Variants in AFDN observed in about 807,000 individuals in gnomAD.
The protein encoded by AFDN is afadin.
Under a neutral mutation model 216.6 loss-of-function variants are expected in AFDN, and 68 were observed. That is an observed-to-expected ratio of 0.31 (90% CI 0.26 to 0.38). The LOEUF (loss-of-function observed/expected upper bound fraction) is 0.38. Ranked by LOEUF, AFDN falls within the 10% of genes least tolerant of loss-of-function variation. AFDN has a pLI of 1.00. For missense variants in AFDN, 2,136 were observed against 2,342.0 expected (o/e 0.91, Z 1.82); for synonymous variants, 868 against 853.7 (o/e 1.02, Z -0.29).
At chr6:167,883,115 AAG>A (rs1299146311) in intron 6 of AFDN, among the ~76,000 whole-genome samples, 1 of 152,140 alleles carries the variant, frequency 6.6e-6, no homozygotes, top group Non-Finnish European at 1.5e-5. Flanking sequence ...TAGGCCAAGA[AAG>A]AGAGAGAGGG....
intron 1 of AFDN, among the ~76,000 whole-genome samples, chr6:167,844,872 G>GTTTTTTTTTTTTTTTTTTTTTTTT (rs1289118837): frequency 7.3e-6 from 1 of 137,400 alleles, no homozygotes; most frequent in African/African-American, 2.7e-5. Flanking sequence ...TTTTTTTTTG[G>GTTTTTTTTTTTTTTTTTTTTTTTT]TTTTTGAGAC....
At chr6:167,915,131 A>G (rs1790884362) in intron 18 of AFDN, 37 bp from the exon 19 acceptor site, 4 of 1,606,350 alleles carry the variant, frequency 2.5e-6, no homozygotes, top group East Asian at 2.2e-5. Context: ...CCTGGATGAC[A>G]TTTTGCTCCT....
At chr6:167,911,738 G>T in intron 15 of AFDN, 1 of 487,770 alleles carries the variant, frequency 2.1e-6, no homozygotes. Flanking sequence ...TTGTGAGAAA[G>T]TGCTGAGACT....
At chr6:167,827,301 C>T in intron 1 of AFDN, 64 bp downstream of exon 1, 1 of 682,250 alleles carries the variant, frequency 1.5e-6, no homozygotes, top group Non-Finnish European at 1.8e-6. Flanking sequence ...CCGCCCCTCC[C>T]CCCCGCCGCC....
intron 28 of AFDN, 49 bp downstream of exon 28, chr6:167,947,993 G>A (rs887761269): frequency 1.3e-5 from 19 of 1,413,830 alleles, no homozygotes; most frequent in South Asian, 2.3e-5. Flanking sequence ...TCCATCCTTA[G>A]GGTTCCCTTT....
At chr6:167,916,128 A>G (rs1791031415) in intron 19 of AFDN, among the ~76,000 whole-genome samples, 1 of 152,128 alleles carries the variant, frequency 6.6e-6, no homozygotes, top group Admixed American at 6.5e-5. Context: ...CCTTCCCCCT[A>G]GCTTCTGGTG....
intron 32 of AFDN, chr6:167,968,711 T>C: frequency 5.4e-6 from 1 of 185,882 alleles, no homozygotes; most frequent in Non-Finnish European, 1.1e-5. Flanking sequence ...ATTACTTGGA[T>C]ACATTGAAAA....
At chr6:167,869,182 A>G (rs1784529867) in intron 2 of AFDN, among the ~76,000 whole-genome samples, 1 of 152,036 alleles carries the variant, frequency 6.6e-6, no homozygotes, top group South Asian at 2.1e-4. Context: ...GGTGCTGGGC[A>G]GTGGGCAGAG....
At chr6:167,914,564 G>C (rs1790804732) in intron 17 of AFDN, 80 bp from the exon 18 acceptor site, 1 of 1,095,252 alleles carries the variant, frequency 9.1e-7, no homozygotes, top group Non-Finnish European at 1.4e-6. Flanking sequence ...TAAGAGTCCA[G>C]ATTGTTTCCC....
At chr6:167,845,782 G>A (rs1014286238) in intron 1 of AFDN, among the ~76,000 whole-genome samples, 4 of 152,130 alleles carry the variant, frequency 2.6e-5, no homozygotes, top group Non-Finnish European at 5.9e-5. Context: ...ATATCTTAGT[G>A]TATTAGTCTG....
At chr6:167,961,068 T>A (rs1041218025) in intron 30 of AFDN, among the ~76,000 whole-genome samples, 7 of 148,740 alleles carry the variant, frequency 4.7e-5, no homozygotes, top group East Asian at 1.9e-4. Flanking sequence ...GATTTTTATT[T>A]AAAAAAAAAA....
chr6:167,947,778 T>C, intron 27 of AFDN, 75 bp from the exon 28 acceptor site: 4 of 938,200 alleles, frequency 4.3e-6, no homozygotes, highest in Non-Finnish European at 6.6e-6. Flanking sequence ...AATGAGGTCT[T>C]TAAGGAAATT....
At chr6:167,964,133 T>G (rs1418) in intron 31 of AFDN, 469,048 of 1,062,450 alleles carry the variant, frequency 0.44, 104,299 homozygotes, top group East Asian at 0.81. Flanking sequence ...TCATGATTAT[T>G]TGAAATACAC....
At chr6:167,863,714 A>G in intron 1 of AFDN, 1 of 499,986 alleles carries the variant, frequency 2.0e-6, no homozygotes, top group Non-Finnish European at 4.0e-6. Context: ...GACATCCCAC[A>G]GTTGTGAGTG....
chr6:167,890,300 A>G (rs1787402841), intron 7 of AFDN, among the ~76,000 whole-genome samples: 1 of 152,244 alleles, frequency 6.6e-6, no homozygotes, highest in African/African-American at 2.4e-5. Context: ...AATTGCCTAA[A>G]TTCTTTAAGT....
chr6:167,907,278 G>C lies in AFDN; in HGVS notation c.1758G>C (p.Arg586Ser), dbSNP rs763291588. 4.3e-6 allele frequency: 7 copies of C among 1,613,230 alleles called. No individual in the cohort carries two copies. Among genetic ancestry groups the C allele is most frequent in the Non-Finnish European group, 5.9e-6 (7 of 1,179,372 alleles). ...TAGAACAGCAGCCAGATTATCGCAG[G>C]CAAGAAAGCAGGTAGGAAACACATC... ...IRVEQQPDYR[R>S]QESRTQDASG... The change falls in exon 13 of 34, where the codon AGG (arginine) becomes AGC (serine). Residue 586 changes from arginine to serine, a missense_variant. Transcript: ENST00000683244.
intron 2 of AFDN, among the ~76,000 whole-genome samples, chr6:167,867,340 GATAAA>G (rs749611408): frequency 9.2e-5 from 14 of 151,510 alleles, no homozygotes; most frequent in Non-Finnish European, 1.8e-4. Flanking sequence ...ATTTTCAGTT[GATAAA>G]ATAATTATCC....
At chr6:167,848,044 A>G (rs916294126) in intron 1 of AFDN, among the ~76,000 whole-genome samples, 1 of 152,144 alleles carries the variant, frequency 6.6e-6, no homozygotes, top group Non-Finnish European at 1.5e-5. Flanking sequence ...TTTCCCTACA[A>G]TTAGGCTTTG....
At chr6:167,894,975 T>C (rs1055343621) in intron 9 of AFDN, among the ~76,000 whole-genome samples, 3 of 152,242 alleles carry the variant, frequency 2.0e-5, no homozygotes, top group African/African-American at 7.2e-5. Flanking sequence ...TTTGCTTTCT[T>C]TATAATTTAT....
Sources: allele counts gnomAD v4.1 joint callset (sites outside exome capture counted in the v4.1 genomes callset), GRCh38; gene constraint gnomAD v4.1.1; transcripts MANE v1.5; gene names NCBI Gene and HGNC (gene_info 2026-07-23, HGNC 2026-07-21).